Variants in METTL25 observed in about 807,000 individuals in gnomAD.
METTL25 encodes probable methyltransferase-like protein 25.
In METTL25, 64 loss-of-function variants were observed where a neutral mutation model predicts 71.6. That is an observed-to-expected ratio of 0.89 (90% confidence interval 0.73 to 1.10). The LOEUF (loss-of-function observed/expected upper bound fraction) is 1.10. Among genes scored for constraint, METTL25 ranks in the 50% least tolerant of loss-of-function variants. The pLI, the probability that METTL25 is intolerant of heterozygous loss-of-function variation, is 0.00. For synonymous variants in METTL25, 287 were observed against 250.3 expected (o/e 1.15, Z -1.38); for missense variants, 807 against 707.0 (o/e 1.14, Z -1.60).
At chr12:82,478,710 A>G (rs1944150156) in intron 11 of METTL25, among the ~76,000 whole-genome samples, 1 of 152,072 alleles carries the variant, frequency 6.6e-6, no homozygotes, top group South Asian at 2.1e-4. Flanking sequence ...GTAGCAAAGA[A>G]TAAACTTGTA....
chr12:82,428,333 G>A (rs535343048), intron 5 of METTL25, among the ~76,000 whole-genome samples: 1 of 151,948 alleles, frequency 6.6e-6, no homozygotes, highest in East Asian at 1.9e-4. Context: ...AAAGGGAGGA[G>A]TAGCTGTTTT....
At position 82,358,534 on chromosome 12, in the gene METTL25, T is replaced by G. The variant is rs1186850112; in HGVS notation, c.-32T>G. The G allele has an allele frequency of 6.2e-7, 1 of 1,602,622 alleles. No homozygotes were observed. Among genetic ancestry groups the G allele is most frequent in the Non-Finnish European group, 8.5e-7 (1 of 1,176,240 alleles). On this transcript the variant is annotated 5_prime_UTR_variant, in exon 1 of 12. Transcript: ENST00000248306. ...CGAGCTGGCGCCTCACGGCCATGTT[T>G]GCGCCACCTACAGCCTCGGAGGGTG...
chr12:82,472,476 T>C (rs1406165957), intron 9 of METTL25, among the ~76,000 whole-genome samples: 1 of 152,102 alleles, frequency 6.6e-6, no homozygotes, highest in African/African-American at 2.4e-5. Context: ...CGGGTGCCTG[T>C]AGTCCCAGCT....
intron 3 of METTL25, among the ~76,000 whole-genome samples, chr12:82,398,187 T>A (rs1886251203): frequency 6.6e-6 from 1 of 151,754 alleles, no homozygotes; most frequent in Non-Finnish European, 1.5e-5. Flanking sequence ...TTAAATTTAT[T>A]CCTATATATT....
chr12:82,419,110 A>T (rs1277567556), intron 5 of METTL25, among the ~76,000 whole-genome samples: 2 of 152,136 alleles, frequency 1.3e-5, no homozygotes, highest in Admixed American at 1.3e-4. Flanking sequence ...GGCAGCAGAC[A>T]AGTTCCCAGA....
At chr12:82,391,220 T>A (rs967713727) in intron 3 of METTL25, among the ~76,000 whole-genome samples, 5 of 151,916 alleles carry the variant, frequency 3.3e-5, no homozygotes, top group African/African-American at 9.7e-5. Flanking sequence ...GGACTTAGAT[T>A]TTATATAGAA....
intron 5 of METTL25, among the ~76,000 whole-genome samples, chr12:82,421,840 A>G (rs921998106): frequency 6.6e-6 from 1 of 152,170 alleles, no homozygotes; most frequent in Admixed American, 6.5e-5. Context: ...TCCCAAGACT[A>G]AACCAGGAAG....
At position 82,403,097 on chromosome 12, in the gene METTL25, C is replaced by T; in HGVS notation, c.1246C>T (p.Leu416Phe). 5.0e-6 allele frequency: 8 copies of T among 1,612,626 alleles called. No homozygotes were observed. The highest frequency in any genetic ancestry group is 6.8e-6 in the Non-Finnish European group (8 of 1,179,334). The change falls in exon 5 of 12, where the codon CTC (leucine) becomes TTC (phenylalanine). Residue 416 changes from leucine to phenylalanine, a missense_variant. Physicochemically the swap from Leu to Phe is conservative, Grantham distance 22 (BLOSUM62 0). Transcript: ENST00000248306. ...GVCSVGCCYH[L>F]LSEEFENQHK... ...TTGCAGTGTGGGTTGTTGCTACCAC[C>T]TCTTATCTGAAGAATTTGAAAACCA...
chr12:82,361,056 G>T (rs975320795), intron 1 of METTL25, among the ~76,000 whole-genome samples: 2 of 152,090 alleles, frequency 1.3e-5, no homozygotes, highest in African/African-American at 2.4e-5. Context: ...CGCTGCTGGC[G>T]CCAGCAGTCT....
At chr12:82,423,321 G>A (rs1382605039) in intron 5 of METTL25, among the ~76,000 whole-genome samples, 2 of 152,110 alleles carry the variant, frequency 1.3e-5, no homozygotes, top group Non-Finnish European at 2.9e-5. Flanking sequence ...AATGGTGCTG[G>A]GAAAACTGGC....
At chr12:82,444,666 T>C (rs1201147265) in intron 8 of METTL25, among the ~76,000 whole-genome samples, 1 of 152,158 alleles carries the variant, frequency 6.6e-6, no homozygotes, top group Non-Finnish European at 1.5e-5. Context: ...GATGGAGTTA[T>C]AGAGGTTTTT....
At chr12:82,383,405 A>AC (rs1783402126) in intron 1 of METTL25, among the ~76,000 whole-genome samples, 2 of 152,026 alleles carry the variant, frequency 1.3e-5, no homozygotes, top group South Asian at 4.2e-4. Flanking sequence ...GGGAATTAAG[A>AC]CCAAGGTCTT....
intron 5 of METTL25, among the ~76,000 whole-genome samples, chr12:82,410,464 A>G (rs530642518): frequency 6.6e-6 from 1 of 152,232 alleles, no homozygotes; most frequent in East Asian, 1.9e-4. Flanking sequence ...GATATTGAGG[A>G]ATAAAGCATC....
intron 5 of METTL25, among the ~76,000 whole-genome samples, chr12:82,426,770 AAGAGGGATCC>A (rs1247557185): frequency 6.6e-6 from 1 of 151,916 alleles, no homozygotes; most frequent in East Asian, 1.9e-4. Context: ...ACCTGGAAAC[AAGAGGGATCC>A]CAGGAATCCT....
At chr12:82,440,520 T>C (rs1375370802) in intron 8 of METTL25, among the ~76,000 whole-genome samples, 1 of 152,064 alleles carries the variant, frequency 6.6e-6, no homozygotes, top group Non-Finnish European at 1.5e-5. Context: ...TCTACTTTTA[T>C]CATCAGACCA....
chr12:82,358,676 T>TA lies in METTL25; in HGVS notation c.112dup (p.Thr38AsnfsTer53), dbSNP rs764100481. 1.2e-5 allele frequency: 19 copies of TA among 1,613,966 alleles called. No homozygotes were observed. Among genetic ancestry groups the TA allele is most frequent in the Non-Finnish European group, 2.5e-6 (3 of 1,180,034 alleles). On this transcript the variant is annotated frameshift_variant, in exon 1 of 12. Coordinates refer to ENST00000248306, the MANE Select transcript of METTL25 (RefSeq NM_032230.3). LOFTEE classifies it high-confidence loss of function. ...ATGCCCTGTCCATTTCCAATGCACA[T>TA]ACCGTGGATTTCTACACAGAATCCG...
intron 5 of METTL25, among the ~76,000 whole-genome samples, chr12:82,416,967 A>G (rs1219314181): frequency 6.6e-6 from 1 of 152,264 alleles, no homozygotes; most frequent in East Asian, 1.9e-4. Flanking sequence ...CTCTGATGCT[A>G]ATTATAAAAC....
At chr12:82,472,284 T>C (rs1892614514) in intron 9 of METTL25, among the ~76,000 whole-genome samples, 1 of 152,172 alleles carries the variant, frequency 6.6e-6, no homozygotes, top group South Asian at 2.1e-4. Context: ...AATAACATTT[T>C]TTTGTTTTTT....
At chr12:82,371,773 T>C (rs1034335037) in intron 1 of METTL25, among the ~76,000 whole-genome samples, 1 of 152,170 alleles carries the variant, frequency 6.6e-6, no homozygotes, top group African/African-American at 2.4e-5. Flanking sequence ...GGAGTATATT[T>C]TCTTAACGCC....
Sources: gnomAD v4.1 joint callset for allele counts (sites outside exome capture counted in the v4.1 genomes callset) on GRCh38, gnomAD v4.1.1 for gene constraint, MANE v1.5 for transcripts, NCBI Gene and HGNC (gene_info 2026-07-23, HGNC 2026-07-21) for gene names.